The following NREP variants were observed in gnomAD, a reference collection of about 807,000 sequenced individuals.
NREP encodes the protein neuronal regeneration related protein.
Under a neutral mutation model 8.6 loss-of-function variants are expected in NREP, and 5 were observed. The observed-to-expected ratio is 0.58, with a 90% CI of 0.30 to 1.22. NREP has a LOEUF of 1.22. Ranked by LOEUF, NREP falls within the 50% of genes most tolerant of loss-of-function variation. The probability of loss-of-function intolerance (pLI) is 0.07; values close to 1 mark genes in which losing one functional copy is unlikely to be tolerated. For missense variants in NREP, 86 were observed against 82.5 expected, an observed-to-expected ratio of 1.04 and a Z score of -0.17; for synonymous variants, 27 against 28.0, an observed-to-expected ratio of 0.96 and a Z score of 0.11.
intron 2 of NREP, among the ~76,000 whole-genome samples, chr5:111,972,549 G>C (rs991990917): frequency 6.6e-6 from 1 of 152,164 alleles, no homozygotes; most frequent in Admixed American, 6.5e-5. Flanking sequence ...AGTGGCAGCA[G>C]TTCCTATGTC....
At chr5:111,962,785 C>T (rs1756515531) in intron 2 of NREP, among the ~76,000 whole-genome samples, 1 of 152,212 alleles carries the variant, frequency 6.6e-6, no homozygotes, top group South Asian at 2.1e-4. Context: ...AAAGAGATAA[C>T]TTGACTTCAG....
chr5:111,823,381 A>G lies in NREP; in HGVS notation c.136-87874T>C, dbSNP rs143531100. 3.9e-3 allele frequency among the ~76,000 whole-genome samples: 589 copies of G among 152,346 alleles called. 5 individuals are homozygous for G. The highest frequency in any genetic ancestry group is 0.014 in the African/African-American group (565 of 41,576). ...ACCATACATGTTTGCATGTATCTCT[A>G]TCTTCCTATCTAATCCCCAGTCTAG... On this transcript the variant is annotated intron_variant, in intron 2 of 3. Coordinates refer to the NREP transcript ENST00000395634.
chr5:111,899,127 AT>A (rs1482414805), intron 2 of NREP, among the ~76,000 whole-genome samples: 1 of 152,210 alleles, frequency 6.6e-6, no homozygotes, highest in Non-Finnish European at 1.5e-5. Context: ...AATATATAAT[AT>A]CATAAAAACA....
chr5:111,840,713 T>C (rs1753008301), intron 2 of NREP, among the ~76,000 whole-genome samples: 1 of 152,118 alleles, frequency 6.6e-6, no homozygotes, highest in African/African-American at 2.4e-5. Context: ...CTACTATAAA[T>C]ACTAAGATGA....
chr5:111,778,060 T>C (rs868287095), intron 2 of NREP, among the ~76,000 whole-genome samples: 1 of 152,270 alleles, frequency 6.6e-6, no homozygotes, highest in South Asian at 2.1e-4. Context: ...AAGAAACTGA[T>C]ACCTGGTGGC....
chr5:111,911,178 C>T (rs565367170), intron 2 of NREP, among the ~76,000 whole-genome samples: 19 of 152,104 alleles, frequency 1.2e-4, no homozygotes, highest in African/African-American at 4.1e-4. Context: ...GATATCACCC[C>T]GGCACCCAGC....
chr5:111,936,304 C>G (rs970676608), intron 2 of NREP, among the ~76,000 whole-genome samples: 1 of 151,954 alleles, frequency 6.6e-6, no homozygotes, highest in Non-Finnish European at 1.5e-5. Flanking sequence ...CTCACAAGAT[C>G]TGATGGTTTT....
intron 2 of NREP, among the ~76,000 whole-genome samples, chr5:111,903,220 G>T (rs1407088811): frequency 1.3e-5 from 2 of 151,560 alleles, no homozygotes; most frequent in East Asian, 3.9e-4. Flanking sequence ...AAGTAGTTGG[G>T]ACTATAGTTG....
chr5:111,969,362 C>A (rs1756737103), intron 2 of NREP: 1 of 152,168 alleles, frequency 6.6e-6, no homozygotes, highest in African/African-American at 2.4e-5. Context: ...CATCACAGAA[C>A]CATTTGTGGG....
intron 2 of NREP, among the ~76,000 whole-genome samples, chr5:111,789,522 C>A (rs537731186): frequency 2.0e-5 from 3 of 152,232 alleles, no homozygotes; most frequent in Non-Finnish European, 4.4e-5. Flanking sequence ...TTTTCTTAAG[C>A]CCATATTTTA....
rs936939132 is a variant in NREP at position 111,747,403 on chromosome 5, G to A, written c.3+8367C>T. On this transcript the variant is annotated intron_variant, in intron 2 of 3. Coordinates refer to ENST00000257435, the MANE Select transcript of NREP (RefSeq NM_004772.4). ...CTCCTTGTTCAGCCACTGGACTGTA[G>A]TACTTTTCCCTGCTGGAAATGTATC... Among the ~76,000 whole-genome samples the A allele has an allele frequency of 5.9e-5, 9 of 152,270 alleles. No homozygotes were observed. In the East Asian group the frequency reaches 1.5e-3, roughly 26 times the overall value.
chr5:111,911,321 A>G (rs1754907062), intron 2 of NREP, among the ~76,000 whole-genome samples: 1 of 152,152 alleles, frequency 6.6e-6, no homozygotes, highest in Admixed American at 6.6e-5. Context: ...TAGACTGATG[A>G]ATATATAATC....
chr5:111,880,655 C>A (rs1199087017), intron 2 of NREP, among the ~76,000 whole-genome samples: 1 of 150,654 alleles, frequency 6.6e-6, no homozygotes, highest in Non-Finnish European at 1.5e-5. Context: ...TTCTAAGGTA[C>A]TAGGGTTAGG....
At chr5:111,741,068 A>ATAAC (rs942474563) in intron 2 of NREP, among the ~76,000 whole-genome samples, 2 of 152,174 alleles carry the variant, frequency 1.3e-5, no homozygotes, top group African/African-American at 4.8e-5. Context: ...GTTAACGACC[A>ATAAC]TAACTGTAAT....
chr5:111,967,473 A>G (rs1335418121), intron 2 of NREP, among the ~76,000 whole-genome samples: 1 of 152,140 alleles, frequency 6.6e-6, no homozygotes, highest in Non-Finnish European at 1.5e-5. Context: ...CATTTTGTCT[A>G]CCACAGCAAA....
At chr5:111,864,679 G>C (rs2112486472) in intron 2 of NREP, among the ~76,000 whole-genome samples, 1 of 152,124 alleles carries the variant, frequency 6.6e-6, no homozygotes, top group South Asian at 2.1e-4. Context: ...GAGTCCAAAT[G>C]GTTGCCTGAG....
chr5:111,911,682 A>G (rs1459927647), intron 2 of NREP, among the ~76,000 whole-genome samples: 1 of 152,114 alleles, frequency 6.6e-6, no homozygotes, highest in Admixed American at 6.6e-5. Flanking sequence ...TTCAGGCTCA[A>G]TCTGACCTCT....
intron 2 of NREP, among the ~76,000 whole-genome samples, chr5:111,821,662 A>G (rs1000910094): frequency 2.6e-5 from 4 of 152,206 alleles, no homozygotes; most frequent in Non-Finnish European, 1.5e-5. Flanking sequence ...TTTTAAAAAA[A>G]CAATAAAACA....
intron 2 of NREP, among the ~76,000 whole-genome samples, chr5:111,973,900 T>C (rs1431527470): frequency 6.6e-6 from 1 of 152,260 alleles, no homozygotes; most frequent in Non-Finnish European, 1.5e-5. Context: ...CTGTTTTATC[T>C]ACCCCTAATT....
Sources: gnomAD v4.1 joint callset for allele counts (sites outside exome capture counted in the v4.1 genomes callset) on GRCh38, gnomAD v4.1.1 for gene constraint, MANE v1.5 for transcripts, NCBI Gene and HGNC (gene_info 2026-07-23, HGNC 2026-07-21) for gene names.